RCL1: variants seen among roughly 807,000 people sequenced by gnomAD.
RCL1 encodes the protein RNA 3'-terminal phosphate cyclase-like protein.
A neutral mutation model predicts 42.4 loss-of-function variants in RCL1; 24 were observed. The ratio of observed to expected loss-of-function variants is 0.57; its 90% CI spans 0.41 to 0.80. The LOEUF (loss-of-function observed/expected upper bound fraction) is 0.80, where lower values mean the gene tolerates loss of function less well. RCL1 is among the 30% of genes least tolerant of loss of function. RCL1 has a pLI of 0.00. For synonymous variants in RCL1, 228 were observed against 177.3 expected (o/e 1.29, Z -2.27); for missense variants, 578 against 467.9 (o/e 1.24, Z -2.17).
At chr9:4,798,761 T>A (rs1842951833) in intron 1 of RCL1, among the ~76,000 whole-genome samples, 1 of 152,140 alleles carries the variant, frequency 6.6e-6, no homozygotes, top group Non-Finnish European at 1.5e-5. Context: ...ACAGATAACT[T>A]TACTACTAAC....
At chr9:4,812,772 T>C (rs1816225268) in intron 1 of RCL1, among the ~76,000 whole-genome samples, 1 of 152,168 alleles carries the variant, frequency 6.6e-6, no homozygotes, top group African/African-American at 2.4e-5. Context: ...GTTTTCCTTT[T>C]AGAGAGCTTT....
At position 4,821,661 on chromosome 9, in the gene RCL1, C is replaced by A. The variant is rs553952887; in HGVS notation, c.137-1887C>A. ...CTGGACTCATTTTTTTTTTTCCCCCCAGAGATGGGCATCTTGCTGTGTTGT... is the reference window on the plus strand; with the variant it reads ...CTGGACTCATTTTTTTTTTTCCCCCAAGAGATGGGCATCTTGCTGTGTTGT... On this transcript the variant is annotated intron_variant, in intron 1 of 8. Coordinates refer to ENST00000381750, the MANE Select transcript of RCL1 (RefSeq NM_005772.5). Among the ~76,000 whole-genome samples the A allele has an allele frequency of 7.2e-5, 11 of 151,982 alleles. No individual in the cohort carries two copies. In the South Asian group the frequency reaches 1.0e-3, roughly 14 times the overall value.
chr9:4,806,018 GTGTGTGTGTGTGTGTGTGTGTGTGTGTT>G (rs1244948697), intron 1 of RCL1, among the ~76,000 whole-genome samples: 2 of 26,092 alleles, frequency 7.7e-5, no homozygotes, highest in African/African-American at 6.7e-5. Flanking sequence ...TACCATTGGG[GTGTGTGTGTGTGTGTGTGTGTGTGTGTT>G]TGTGTGTGTG....
intron 1 of RCL1, among the ~76,000 whole-genome samples, chr9:4,794,775 C>G (rs1057360734): frequency 6.6e-6 from 1 of 151,978 alleles, no homozygotes. Flanking sequence ...AAGTATGCTT[C>G]TCCTTCTCCC....
At chr9:4,831,269 G>T (rs564552664) in intron 3 of RCL1, among the ~76,000 whole-genome samples, 5 of 152,168 alleles carry the variant, frequency 3.3e-5, no homozygotes, top group African/African-American at 9.7e-5. Context: ...GTGACTCAAG[G>T]TATAGGAAGG....
At chr9:4,813,150 C>T (rs1816239686) in intron 1 of RCL1, among the ~76,000 whole-genome samples, 1 of 152,006 alleles carries the variant, frequency 6.6e-6, no homozygotes, top group Non-Finnish European at 1.5e-5. Context: ...TGAGTTGTTC[C>T]AGATCTTAGA....
At chr9:4,859,975 G>A in intron 8 of RCL1, 150 bp from the exon 9 acceptor site, 1 of 528,980 alleles carries the variant, frequency 1.9e-6, no homozygotes, top group Non-Finnish European at 3.2e-6. Context: ...CTGGCTGAAA[G>A]GAAGTACTAT....
rs529037145 is a variant in RCL1, at chr9:4,844,388, T to C, written c.711-137T>C. On this transcript the variant is annotated intron_variant, in intron 6 of 8. Coordinates refer to ENST00000381750, the MANE Select transcript of RCL1 (RefSeq NM_005772.5). The stretch of plus-strand genomic sequence containing the variant: ...AGCTAGTAAACTAGTAGCAACTCTA[T>C]GAGGTTAATGCAGCCAGAAAGAAGC... 6.5e-6 allele frequency: 4 copies of C among 612,138 alleles called. No homozygotes were observed. The South Asian group carries it at 9.7e-5, about 15-fold the overall frequency. The allele number at this position is 612,138 out of a possible 1,614,324, so 37.9% of individuals were successfully genotyped here.
At chr9:4,828,368 T>C (rs1399962806) in intron 3 of RCL1, among the ~76,000 whole-genome samples, 3 of 152,152 alleles carry the variant, frequency 2.0e-5, no homozygotes, top group Non-Finnish European at 2.9e-5. Context: ...TTCATCAAGA[T>C]ACCTACTAGG....
chr9:4,801,735 T>A (rs1323768511), intron 1 of RCL1, among the ~76,000 whole-genome samples: 1 of 150,526 alleles, frequency 6.6e-6, no homozygotes, highest in Non-Finnish European at 1.5e-5. Flanking sequence ...TTTTTTTTTT[T>A]TGCCTATGGA....
chr9:4,857,035 T>C (rs953721552), intron 8 of RCL1, among the ~76,000 whole-genome samples: 21 of 152,222 alleles, frequency 1.4e-4, no homozygotes, highest in African/African-American at 5.1e-4. Flanking sequence ...AGAACCAGGA[T>C]CAGTTGTTTT....
intron 1 of RCL1, among the ~76,000 whole-genome samples, chr9:4,805,439 C>T (rs1412199870): frequency 6.6e-6 from 1 of 151,946 alleles, no homozygotes. Context: ...ACCAAAAAAC[C>T]CCAAATTTCC....
chr9:4,844,053 T>A (rs189881684), intron 6 of RCL1, among the ~76,000 whole-genome samples: 1 of 152,278 alleles, frequency 6.6e-6, no homozygotes, highest in Non-Finnish European at 1.5e-5. Context: ...CTGACTAACA[T>A]AGTTCTTCTA....
intron 5 of RCL1, 95 bp downstream of exon 5, chr9:4,834,360 T>C (rs1817051233): frequency 1.4e-6 from 2 of 1,395,674 alleles, no homozygotes; most frequent in East Asian, 2.5e-5. Flanking sequence ...CCCGAGGTTA[T>C]TTACATTTTA....
At chr9:4,826,130 C>T (rs571464030) in intron 2 of RCL1, among the ~76,000 whole-genome samples, 3 of 151,894 alleles carry the variant, frequency 2.0e-5, no homozygotes, top group African/African-American at 4.8e-5. Flanking sequence ...TGGTCGTGGT[C>T]CCAGCTATTC....
chr9:4,829,797 C>T (rs1302900788), intron 3 of RCL1, among the ~76,000 whole-genome samples: 1 of 152,184 alleles, frequency 6.6e-6, no homozygotes, highest in African/African-American at 2.4e-5. Context: ...TATGATAGGG[C>T]AGTGTGACAA....
At chr9:4,834,978 C>T (rs754923751) in intron 5 of RCL1, among the ~76,000 whole-genome samples, 24 of 152,204 alleles carry the variant, frequency 1.6e-4, no homozygotes, top group Non-Finnish European at 3.2e-4. Flanking sequence ...TTACTTTTGC[C>T]TATAGAAAGG....
intron 1 of RCL1, among the ~76,000 whole-genome samples, chr9:4,821,354 T>C (rs1389087718): frequency 6.6e-6 from 1 of 152,160 alleles, no homozygotes; most frequent in African/African-American, 2.4e-5. Flanking sequence ...GGGCAGTCTG[T>C]TTGGCATTCT....
intron 5 of RCL1, among the ~76,000 whole-genome samples, chr9:4,840,093 T>A (rs1244192564): frequency 1.3e-5 from 2 of 150,574 alleles, no homozygotes; most frequent in African/African-American, 4.9e-5. Context: ...GTCACCAGCA[T>A]GAGGAAGATT....
Sources: allele counts gnomAD v4.1 joint callset (sites outside exome capture counted in the v4.1 genomes callset), GRCh38; gene constraint gnomAD v4.1.1; transcripts MANE v1.5; gene names NCBI Gene and HGNC (gene_info 2026-07-23, HGNC 2026-07-21).